Variants in NALF1 observed in about 807,000 individuals in gnomAD.
The protein encoded by NALF1 is family with sequence similarity 155 member A.
A neutral mutation model predicts 48.4 loss-of-function variants in NALF1; 3 were observed. The ratio of observed to expected loss-of-function variants is 0.06; its 90% confidence interval spans 0.03 to 0.16. The LOEUF (loss-of-function observed/expected upper bound fraction) is 0.16. NALF1 is among the 10% of genes least tolerant of loss of function. The pLI, the probability that NALF1 is intolerant of heterozygous loss-of-function variation, is 1.00. For missense variants in NALF1, 526 were observed against 571.5 expected (o/e 0.92, Z 0.81); for synonymous variants, 262 against 245.7 (o/e 1.07, Z -0.62).
At chr13:107,844,149 A>G (rs991770183) in intron 1 of NALF1, among the ~76,000 whole-genome samples, 1 of 152,194 alleles carries the variant, frequency 6.6e-6, no homozygotes, top group African/African-American at 2.4e-5. Flanking sequence ...GGTAATTAGA[A>G]TAACTTAACA....
At chr13:107,531,687 T>A (rs1299598815) in intron 1 of NALF1, among the ~76,000 whole-genome samples, 1 of 152,044 alleles carries the variant, frequency 6.6e-6, no homozygotes, top group African/African-American at 2.4e-5. Flanking sequence ...ATTTTATGAG[T>A]TGTCTGTCTG....
At chr13:107,402,884 A>G (rs1883832750) in intron 1 of NALF1, among the ~76,000 whole-genome samples, 1 of 152,132 alleles carries the variant, frequency 6.6e-6, no homozygotes, top group Non-Finnish European at 1.5e-5. Context: ...ATAATCAATG[A>G]CTTTTAGGAT....
At chr13:107,760,884 T>C (rs1877243134) in intron 1 of NALF1, among the ~76,000 whole-genome samples, 2 of 152,158 alleles carry the variant, frequency 1.3e-5, no homozygotes, top group Admixed American at 1.3e-4. Flanking sequence ...GGACTTGCTG[T>C]AATGAAGGGA....
chr13:107,840,665 T>C (rs1018184542), intron 1 of NALF1, among the ~76,000 whole-genome samples: 1 of 152,168 alleles, frequency 6.6e-6, no homozygotes, highest in Non-Finnish European at 1.5e-5. Flanking sequence ...TCCTCGACAG[T>C]GAAGAGAGAA....
intron 1 of NALF1, among the ~76,000 whole-genome samples, chr13:107,409,715 T>C (rs1883957473): frequency 6.6e-6 from 1 of 152,214 alleles, no homozygotes; most frequent in South Asian, 2.1e-4. Flanking sequence ...ATTATGCATA[T>C]GTAGGAACCA....
At chr13:107,582,969 C>CT (rs994034241) in intron 1 of NALF1, among the ~76,000 whole-genome samples, 4 of 152,118 alleles carry the variant, frequency 2.6e-5, no homozygotes, top group African/African-American at 9.7e-5. Flanking sequence ...GGTATATCAC[C>CT]TTTTCCCCCC....
At chr13:107,246,607 A>C (rs1051177792) in intron 1 of NALF1, among the ~76,000 whole-genome samples, 2 of 152,362 alleles carry the variant, frequency 1.3e-5, no homozygotes, top group Middle Eastern at 3.4e-3. Context: ...TACTTTGATT[A>C]GTATTAGCTG....
At chr13:107,629,907 G>T (rs1177518398) in intron 1 of NALF1, among the ~76,000 whole-genome samples, 1 of 151,960 alleles carries the variant, frequency 6.6e-6, no homozygotes, top group Admixed American at 6.6e-5. Flanking sequence ...TTGTGTTACA[G>T]CTTCTGAACT....
chr13:107,698,204 T>A (rs558644532), intron 1 of NALF1, among the ~76,000 whole-genome samples: 1 of 152,320 alleles, frequency 6.6e-6, no homozygotes, highest in South Asian at 2.1e-4. Flanking sequence ...GTTTCCCACT[T>A]TTTGTTACCA....
chr13:107,626,161 C>T (rs1376954840), intron 1 of NALF1, among the ~76,000 whole-genome samples: 2 of 151,968 alleles, frequency 1.3e-5, no homozygotes, highest in East Asian at 1.9e-4. Flanking sequence ...TACTGAGTTA[C>T]CACCTTCATA....
chr13:107,476,181 T>C (rs1885174916), intron 1 of NALF1, among the ~76,000 whole-genome samples: 1 of 152,200 alleles, frequency 6.6e-6, no homozygotes, highest in African/African-American at 2.4e-5. Flanking sequence ...AAGAGTGTCC[T>C]GCCATTGCAG....
At chr13:107,453,894 AC>A (rs1410064933) in intron 1 of NALF1, among the ~76,000 whole-genome samples, 1 of 152,144 alleles carries the variant, frequency 6.6e-6, no homozygotes, top group Non-Finnish European at 1.5e-5. Context: ...CTCACAAGAT[AC>A]CCTAAATCAT....
intron 1 of NALF1, among the ~76,000 whole-genome samples, chr13:107,239,865 G>T (rs2138833924): frequency 6.6e-6 from 1 of 152,272 alleles, no homozygotes; most frequent in South Asian, 2.1e-4. Context: ...TGGGAAACAA[G>T]CACTTATGAA....
chr13:107,855,245 C>T (rs1033344974), intron 1 of NALF1, among the ~76,000 whole-genome samples: 1 of 152,220 alleles, frequency 6.6e-6, no homozygotes, highest in Non-Finnish European at 1.5e-5. Context: ...ACTCTTAAGC[C>T]TATGCTCATT....
At chr13:107,686,057 G>A (rs1416121439) in intron 1 of NALF1, among the ~76,000 whole-genome samples, 1 of 152,248 alleles carries the variant, frequency 6.6e-6, no homozygotes, top group Non-Finnish European at 1.5e-5. Flanking sequence ...GGGTGGAGCA[G>A]CTGGGCCTCG....
At chr13:107,265,598 G>T (rs1405689539) in intron 1 of NALF1, among the ~76,000 whole-genome samples, 1 of 151,922 alleles carries the variant, frequency 6.6e-6, no homozygotes, top group African/African-American at 2.4e-5. Flanking sequence ...TAGAGATGGG[G>T]TTTCACTATG....
chr13:107,302,295 T>C (rs538254360), intron 1 of NALF1, among the ~76,000 whole-genome samples: 47 of 152,306 alleles, frequency 3.1e-4, no homozygotes, highest in African/African-American at 1.1e-3. Flanking sequence ...CAATTCCTTT[T>C]CTTTATAAAT....
At chr13:107,222,901 GCC>G (rs1271035402) in intron 1 of NALF1, among the ~76,000 whole-genome samples, 2 of 152,162 alleles carry the variant, frequency 1.3e-5, no homozygotes, top group African/African-American at 4.8e-5. Context: ...AATCCAAATG[GCC>G]TTGGTCTTAG....
At chr13:107,755,435 T>C (rs189771272) in intron 1 of NALF1, among the ~76,000 whole-genome samples, 35 of 152,102 alleles carry the variant, frequency 2.3e-4, no homozygotes, top group Admixed American at 2.3e-3. Context: ...GTGCCATGTA[T>C]CTTCAAGGTT....
Sources: gnomAD v4.1 joint callset for allele counts (sites outside exome capture counted in the v4.1 genomes callset) on GRCh38, gnomAD v4.1.1 for gene constraint, MANE v1.5 for transcripts, NCBI Gene and HGNC (gene_info 2026-07-23, HGNC 2026-07-21) for gene names.